The following POLK variants were observed in gnomAD, a reference collection of about 807,000 sequenced individuals.
POLK encodes the protein DNA polymerase kappa.
A neutral mutation model predicts 94.0 loss-of-function variants in POLK; 76 were observed. That is an observed-to-expected ratio of 0.81 (90% CI 0.67 to 0.98). The LOEUF (loss-of-function observed/expected upper bound fraction) is 0.98, where lower values mean the gene tolerates loss of function less well. POLK is among the 50% of genes least tolerant of loss of function. POLK has a pLI of 0.00. For synonymous variants in POLK, 349 were observed against 325.4 expected (o/e 1.07, Z -0.78); for missense variants, 954 against 1,010.1 (o/e 0.94, Z 0.75).
chr5:75,554,345 G>C (rs1770483755), intron 3 of POLK, among the ~76,000 whole-genome samples: 1 of 151,808 alleles, frequency 6.6e-6, no homozygotes, highest in South Asian at 2.1e-4. Flanking sequence ...ATATATTAGA[G>C]ATTTTTTCTT....
chr5:75,594,165 A>G, intron 12 of POLK, 116 bp downstream of exon 12: 1 of 675,790 alleles, frequency 1.5e-6, no homozygotes, highest in Non-Finnish European at 2.5e-6. Flanking sequence ...ATGATTTTTC[A>G]ACTTTGCGAC....
intron 3 of POLK, among the ~76,000 whole-genome samples, chr5:75,558,240 T>C (rs932210726): frequency 3.9e-5 from 6 of 152,058 alleles, no homozygotes; most frequent in Non-Finnish European, 5.9e-5. Flanking sequence ...TTGTTGTTTT[T>C]TTTTTTTGGT....
At chr5:75,596,264 A>G (rs757314376) in exon 13 of POLK, 1 of 1,611,824 alleles carries the variant, frequency 6.2e-7, no homozygotes, top group Non-Finnish European at 8.5e-7. Flanking sequence ...GACAGGAAAC[A>G]CCAACAAAGG....
chr5:75,531,205 A>G (rs1769163676), intron 1 of POLK, among the ~76,000 whole-genome samples: 1 of 151,678 alleles, frequency 6.6e-6, no homozygotes, highest in Non-Finnish European at 1.5e-5. Flanking sequence ...GGCATCAATT[A>G]TTCTGTTGAT....
chr5:75,585,093 A>G (rs933284144), intron 9 of POLK, among the ~76,000 whole-genome samples, 167 bp downstream of exon 9: 1 of 152,248 alleles, frequency 6.6e-6, no homozygotes, highest in Non-Finnish European at 1.5e-5. Context: ...TGTAGGAGGA[A>G]AGAAAAGAAG....
chr5:75,546,617 ACCCCACC>A (rs1356759589), intron 1 of POLK, among the ~76,000 whole-genome samples: 1 of 106,040 alleles, frequency 9.4e-6, no homozygotes, highest in Admixed American at 1.0e-4. Flanking sequence ...CTCCTGCCCC[ACCCCACC>A]CCCCACCCCC....
intron 11 of POLK, among the ~76,000 whole-genome samples, chr5:75,592,446 G>C (rs558949273): frequency 6.6e-6 from 1 of 152,292 alleles, no homozygotes; most frequent in East Asian, 1.9e-4. Flanking sequence ...AGGCACGGTG[G>C]CTCATTCCTG....
At chr5:75,529,604 G>C (rs114189917) in intron 1 of POLK, among the ~76,000 whole-genome samples, 2,043 of 152,164 alleles carry the variant, frequency 0.013, 46 homozygotes, top group African/African-American at 0.047. Context: ...AGAATAATGA[G>C]AAGGAAAATT....
intron 2 of POLK, among the ~76,000 whole-genome samples, chr5:75,550,776 A>G (rs1323701122): frequency 1.3e-5 from 2 of 152,192 alleles, no homozygotes; most frequent in Admixed American, 6.5e-5. Flanking sequence ...AGTAAAGGGC[A>G]TCTATAAAAA....
intron 8 of POLK, among the ~76,000 whole-genome samples, chr5:75,584,454 A>G (rs1772356939): frequency 1.3e-5 from 2 of 152,284 alleles, no homozygotes; most frequent in African/African-American, 4.8e-5. Context: ...GGATCACCTA[A>G]GGTCAGGAGT....
At chr5:75,554,816 C>A (rs1287095687) in intron 3 of POLK, among the ~76,000 whole-genome samples, 2 of 152,142 alleles carry the variant, frequency 1.3e-5, no homozygotes, top group African/African-American at 4.8e-5. Context: ...CCATCCATGT[C>A]CCTGCAAAAG....
chr5:75,601,567 CA>C (rs1321400319), downstream of POLK, among the ~76,000 whole-genome samples: 1 of 152,156 alleles, frequency 6.6e-6, no homozygotes, highest in Non-Finnish European at 1.5e-5. Context: ...AGGATAAAAG[CA>C]GGCAGAGGAA....
intron 6 of POLK, among the ~76,000 whole-genome samples, chr5:75,580,002 A>G (rs1266706352): frequency 6.6e-6 from 1 of 151,656 alleles, no homozygotes; most frequent in Non-Finnish European, 1.5e-5. Context: ...AGAGAAAGAA[A>G]ATAAGCTTAT....
intron 1 of POLK, among the ~76,000 whole-genome samples, chr5:75,529,623 A>G (rs745857947): frequency 6.6e-6 from 1 of 152,168 alleles, no homozygotes; most frequent in African/African-American, 2.4e-5. Context: ...TTGTCTGTAC[A>G]TGTTCAGTAC....
At chr5:75,591,243 T>C (rs772950849) in intron 11 of POLK, among the ~76,000 whole-genome samples, 1 of 152,104 alleles carries the variant, frequency 6.6e-6, no homozygotes, top group Admixed American at 6.5e-5. Context: ...TTTACAAAGA[T>C]CAAAACTATG....
intron 3 of POLK, among the ~76,000 whole-genome samples, chr5:75,563,288 T>C (rs1317097389): frequency 6.6e-6 from 1 of 152,114 alleles, no homozygotes; most frequent in Non-Finnish European, 1.5e-5. Flanking sequence ...CTGGACTTTT[T>C]TTTGGTTGGT....
intron 1 of POLK, among the ~76,000 whole-genome samples, chr5:75,536,596 G>A (rs1219737129): frequency 1.3e-5 from 2 of 151,662 alleles, no homozygotes; most frequent in Non-Finnish European, 2.9e-5. Flanking sequence ...GCTACCAGTG[G>A]TGGGGGTGGG....
chr5:75,605,007 T>C (rs1773385013), downstream of POLK, among the ~76,000 whole-genome samples: 1 of 152,124 alleles, frequency 6.6e-6, no homozygotes, highest in South Asian at 2.1e-4. Context: ...ACTGCTGCTG[T>C]CTACAGAATG....
chr5:75,577,965 G>A (rs1422568502), intron 6 of POLK, among the ~76,000 whole-genome samples: 1 of 152,004 alleles, frequency 6.6e-6, no homozygotes, highest in African/African-American at 2.4e-5. Context: ...TTGAGGATGT[G>A]GAACATAAAG....
Sources: allele counts gnomAD v4.1 joint callset (sites outside exome capture counted in the v4.1 genomes callset), GRCh38; gene constraint gnomAD v4.1.1; transcripts MANE v1.5; gene names NCBI Gene and HGNC (gene_info 2026-07-23, HGNC 2026-07-21).